The following SEPTIN8 variants were observed in gnomAD, a reference collection of about 807,000 sequenced individuals.
SEPTIN8 encodes the protein septin 8, also known as septin-8.
SEPTIN8 carries 22 observed loss-of-function variants against 53.1 expected under a neutral mutation model. The ratio of observed to expected loss-of-function variants is 0.41; its 90% CI spans 0.30 to 0.59. The LOEUF is 0.59. SEPTIN8 is among the 20% of genes least tolerant of loss of function. The pLI is 0.24. For missense variants in SEPTIN8, 536 were observed against 638.7 expected (o/e 0.84, Z 1.73); for synonymous variants, 228 against 248.4 (o/e 0.92, Z 0.77).
At chr5:132,777,733 A>G (rs1435469373), upstream of SEPTIN8, 1 of 985,398 alleles carries the variant, frequency 1.0e-6, no homozygotes, top group Middle Eastern at 5.2e-4. The surrounding 1 kb of genome is among the most constrained non-coding windows in gnomAD (Gnocchi z 4.1). Flanking sequence ...GCGGCAGCCT[A>G]GTCTGCGGGT....
chr5:132,770,030 CAT>C (rs1203298680), intron 1 of SEPTIN8, among the ~76,000 whole-genome samples: 3,046 of 49,174 alleles, frequency 0.062, 159 homozygotes, highest in African/African-American at 0.25. Context: ...TATACACACA[CAT>C]ATATATATAT....
intron 1 of SEPTIN8, among the ~76,000 whole-genome samples, chr5:132,770,106 T>C (rs1334347667): frequency 2.1e-4 from 5 of 23,860 alleles, no homozygotes; most frequent in African/African-American, 1.1e-3. Context: ...TATATGTATA[T>C]ATGTATATAT....
Position 132,751,887 on chromosome 5 carries a change from A to T in SEPTIN8, c.*129T>A. 1 of 1,476,510 alleles carries T rather than the reference A, an allele frequency of 6.8e-7. No homozygotes were observed. The highest frequency in any genetic ancestry group is 9.2e-7 in the Non-Finnish European group (1 of 1,089,334). The allele number at this position is 1,476,510 out of a possible 1,614,324, so 91.5% of individuals were successfully genotyped here. A position where few individuals can be genotyped will look rare whatever the true frequency, so the allele number is the denominator to read the frequency against. On this transcript the variant is annotated 3_prime_UTR_variant, in exon 10 of 10. Transcript: ENST00000378719. Reference sequence around the variant, plus strand: ...ATTTGATGTTCCCTGATGGAAATTTAAATTGTTTGCACTTTTGATCATTGA... The same window carrying T: ...ATTTGATGTTCCCTGATGGAAATTTTAATTGTTTGCACTTTTGATCATTGA...
intron 1 of SEPTIN8, chr5:132,775,812 T>G (rs1053253809): frequency 2.0e-5 from 3 of 152,290 alleles, no homozygotes; most frequent in Non-Finnish European, 4.4e-5. Context: ...AAATTCCAAT[T>G]TATAATACGG....
At chr5:132,762,341 C>T in intron 5 of SEPTIN8, 143 bp downstream of exon 5, 1 of 785,790 alleles carries the variant, frequency 1.3e-6, no homozygotes. Context: ...GTAGGACTGG[C>T]CAGCTCCAGA....
chr5:132,759,130 C>A (rs1755638562), intron 9 of SEPTIN8: 1 of 507,340 alleles, frequency 2.0e-6, no homozygotes. Context: ...AAAATGCACT[C>A]CCGACTCACA....
At chr5:132,754,169 T>C (rs961687008) in intron 9 of SEPTIN8, 2 of 476,812 alleles carry the variant, frequency 4.2e-6, no homozygotes, top group Non-Finnish European at 3.8e-6. Context: ...CTTCCGATCC[T>C]GTATGAGTCT....
chr5:132,763,949 TGGG>T, intron 3 of SEPTIN8, 57 bp from the exon 4 acceptor site: 1 of 1,476,294 alleles, frequency 6.8e-7, no homozygotes, highest in Admixed American at 2.3e-5. Flanking sequence ...GCTTGGGGCT[TGGG>T]GGGCTCAGGG....
chr5:132,758,850 A>C, intron 9 of SEPTIN8: 1 of 1,603,758 alleles, frequency 6.2e-7, no homozygotes, highest in Non-Finnish European at 8.5e-7. Context: ...AAAACAAACA[A>C]AACAAAAACA....
intron 9 of SEPTIN8, chr5:132,754,481 G>A (rs1243780464): frequency 2.8e-6 from 2 of 717,498 alleles, no homozygotes; most frequent in Non-Finnish European, 5.2e-6. Context: ...GGTGGCTATG[G>A]ATGTGAGCTG....
intron 1 of SEPTIN8, among the ~76,000 whole-genome samples, chr5:132,768,299 G>A (rs1055527882): frequency 1.3e-5 from 2 of 151,746 alleles, no homozygotes; most frequent in African/African-American, 4.8e-5. Flanking sequence ...TCAGGGGTAT[G>A]AGTCTATGGA....
chr5:132,754,931 C>T (rs566259585), intron 9 of SEPTIN8, among the ~76,000 whole-genome samples: 1 of 152,282 alleles, frequency 6.6e-6, no homozygotes, highest in South Asian at 2.1e-4. Flanking sequence ...TAGGTGGGCT[C>T]AGGGAGGAAC....
At chr5:132,775,559 A>G (rs1292039962) in intron 1 of SEPTIN8, among the ~76,000 whole-genome samples, 1 of 152,208 alleles carries the variant, frequency 6.6e-6, no homozygotes, top group East Asian at 1.9e-4. Context: ...ATGGCCAACA[A>G]GGAGTGTCTA....
At position 132,776,909 on chromosome 5, in the gene SEPTIN8, C is replaced by T. The variant is rs1690707581; in HGVS notation, c.30+199G>A. 1.3e-5 allele frequency among the ~76,000 whole-genome samples: 2 copies of T among 152,196 alleles called. No homozygotes were observed. The highest frequency in any genetic ancestry group is 1.9e-4 in the East Asian group (1 of 5,160). On this transcript the variant is annotated intron_variant, in intron 1 of 9. Transcript: ENST00000378719. This position sits in a 1 kb window ranked among gnomAD's most constrained non-coding sequence, Gnocchi z 4.4. ...CAGGAAGCGACCCCGACCAGCCGCCCGGCAAGGCAGGCCGCCCGACGCTCC... is the reference window on the plus strand; with the variant it reads ...CAGGAAGCGACCCCGACCAGCCGCCTGGCAAGGCAGGCCGCCCGACGCTCC...
chr5:132,777,626 C>A (rs193253762), upstream of SEPTIN8: 594 of 985,510 alleles, frequency 6.0e-4, 6 homozygotes, highest in South Asian at 0.015. The surrounding 1 kb of genome is among the most constrained non-coding windows in gnomAD (Gnocchi z 4.1). Context: ...ATCTCCCCCA[C>A]CAAGCCGTCT....
At position 132,773,856 on chromosome 5, in the gene SEPTIN8, C is replaced by T. The variant is rs1489323044; in HGVS notation, c.30+3252G>A. ...CACTGCAATCAAGACCCCAAGGAGA[C>T]CTTCCTAAGGTGGGCACACATAGCA... On this transcript the variant is annotated intron_variant, in intron 1 of 9. Transcript: ENST00000378719. The surrounding 1 kb of genome is among the most constrained non-coding windows in gnomAD (Gnocchi z 4.2). 6.6e-6 allele frequency: 1 copy of T among 152,414 alleles called. No homozygotes were observed. Among genetic ancestry groups the T allele is most frequent in the Non-Finnish European group, 1.5e-5 (1 of 68,190 alleles). The allele number at this position is 152,414 out of a possible 1,614,324, so 9.4% of individuals were successfully genotyped here. A position where few individuals can be genotyped will look rare whatever the true frequency, so the allele number is the denominator to read the frequency against.
At chr5:132,762,384 T>C in intron 5 of SEPTIN8, 100 bp downstream of exon 5, 4 of 1,222,802 alleles carry the variant, frequency 3.3e-6, no homozygotes, top group Non-Finnish European at 4.7e-6. Context: ...AAGCTAAGGC[T>C]GGAATCCTGG....
chr5:132,775,378 T>C (rs1044500317), intron 1 of SEPTIN8, among the ~76,000 whole-genome samples: 1 of 152,146 alleles, frequency 6.6e-6, no homozygotes, highest in Non-Finnish European at 1.5e-5. Flanking sequence ...ACGTGGACAA[T>C]AGGTAGCATA....
upstream of SEPTIN8, chr5:132,777,620 C>T: frequency 4.1e-6 from 4 of 985,244 alleles, no homozygotes; most frequent in Non-Finnish European, 4.8e-6. The surrounding 1 kb of genome is among the most constrained non-coding windows in gnomAD (Gnocchi z 4.1). Flanking sequence ...CTAGAGATCT[C>T]CCCCACCAAG....
Sources: allele counts gnomAD v4.1 joint callset (sites outside exome capture counted in the v4.1 genomes callset), GRCh38; gene constraint gnomAD v4.1.1; non-coding constraint Gnocchi (gnomAD v3.1); transcripts MANE v1.5; gene names NCBI Gene and HGNC (gene_info 2026-07-23, HGNC 2026-07-21).